ECPAS: variants seen among roughly 807,000 people sequenced by gnomAD.
The protein encoded by ECPAS is proteasome adapter and scaffold protein ECM29.
A neutral mutation model predicts 255.1 loss-of-function variants in ECPAS; 70 were observed. That is an observed-to-expected ratio of 0.27 (90% CI 0.23 to 0.33). ECPAS has a LOEUF of 0.33. Among genes scored for constraint, ECPAS ranks in the 10% least tolerant of loss-of-function variants. The pLI is 1.00. For synonymous variants in ECPAS, 784 were observed against 775.0 expected, an observed-to-expected ratio of 1.01 and a Z score of -0.19; for missense variants, 1,817 against 2,206.4, an observed-to-expected ratio of 0.82 and a Z score of 3.54.
In ECPAS at chr9:111,447,067, G is replaced by A. The variant is rs192207395; in HGVS notation, c.154-2573C>T. ...AGGGACTCTATAGAAAATTATTATCGATGGAGACAGAGAATCTTGCCCACA... is the reference window on the plus strand; with the variant it reads ...AGGGACTCTATAGAAAATTATTATCAATGGAGACAGAGAATCTTGCCCACA... On this transcript the variant is annotated intron_variant, in intron 3 of 49. Transcript: ENST00000684092. 1.4e-3 allele frequency among the ~76,000 whole-genome samples: 212 copies of A among 152,060 alleles called. 1 individual carries two copies. The highest frequency in any genetic ancestry group is 3.4e-3 in the Middle Eastern group (1 of 294).
chr9:111,483,939 T>A, intron 1 of ECPAS, 177 bp downstream of exon 1: 1 of 902,272 alleles, frequency 1.1e-6, no homozygotes, highest in Non-Finnish European at 1.3e-6. Flanking sequence ...GCCGGGCCCC[T>A]CGCGCGCCCG....
At chr9:111,378,396 A>C (rs1376452048) in intron 36 of ECPAS, among the ~76,000 whole-genome samples, 184 bp downstream of exon 36, 1 of 152,236 alleles carries the variant, frequency 6.6e-6, no homozygotes, top group Non-Finnish European at 1.5e-5. Context: ...GTCAGTTTTC[A>C]TCCAATTCAC....
intron 1 of ECPAS, among the ~76,000 whole-genome samples, chr9:111,480,271 G>C (rs1219008161): frequency 2.1e-5 from 3 of 144,336 alleles, no homozygotes; most frequent in South Asian, 2.3e-4. Flanking sequence ...TTTTTTAGTG[G>C]AATTCTTAAA....
At position 111,412,072 on chromosome 9, in the gene ECPAS, G is replaced by A. The variant is rs774621647; in HGVS notation, c.2156C>T (p.Ser719Leu). 16 of 1,592,598 alleles carry A rather than the reference G, an allele frequency of 1.0e-5. No individual in the cohort carries two copies. Among genetic ancestry groups the A allele is most frequent in the South Asian group, 2.3e-5 (2 of 86,056 alleles). The stretch of plus-strand genomic sequence containing the variant: ...TATCATTGATTTCAACTCATTCCCC[G>A]ACACTGTTGATACCACTACAGAATA... ...LFYSVVVSTVSGNELKSMIEQ... is the reference protein window; with the variant it reads ...LFYSVVVSTVLGNELKSMIEQ... Residue 719 changes from serine to leucine, a missense_variant, in exon 21 of 50, where the codon TCG (serine) becomes TTG (leucine). Physicochemically the swap from Ser to Leu is moderately radical, Grantham distance 145 (BLOSUM62 -2). Coordinates refer to ENST00000684092, the MANE Select transcript of ECPAS (RefSeq NM_001364929.1).
chr9:111,438,340 C>T (rs935203020), intron 6 of ECPAS, among the ~76,000 whole-genome samples: 2 of 152,144 alleles, frequency 1.3e-5, no homozygotes, highest in Non-Finnish European at 1.5e-5. Flanking sequence ...ATAAAACACC[C>T]TAAGGCTGGG....
chr9:111,366,001 G>C, intron 48 of ECPAS: 1 of 504,566 alleles, frequency 2.0e-6, no homozygotes. Context: ...TTACTTTCAA[G>C]TAACAATTTT....
chr9:111,459,289 C>A (rs1011355858), intron 2 of ECPAS, among the ~76,000 whole-genome samples: 1 of 151,300 alleles, frequency 6.6e-6, no homozygotes, highest in South Asian at 2.1e-4. Context: ...GAAATGAGGT[C>A]TATGTTGCCC....
intron 12 of ECPAS, among the ~76,000 whole-genome samples, chr9:111,424,862 A>C (rs767795640): frequency 9.8e-5 from 15 of 152,286 alleles, no homozygotes; most frequent in Non-Finnish European, 1.9e-4. Context: ...GTGCTGGCTG[A>C]AAAAATGCTA....
chr9:111,365,569 G>A (rs574741176), intron 48 of ECPAS: 1 of 152,272 alleles, frequency 6.6e-6, no homozygotes, highest in African/African-American at 2.4e-5. Context: ...GGGAGACTGA[G>A]GCAGGAGGAC....
intron 31 of ECPAS, among the ~76,000 whole-genome samples, 176 bp downstream of exon 31, chr9:111,389,380 A>G (rs2098155674): frequency 6.6e-6 from 1 of 152,262 alleles, no homozygotes; most frequent in South Asian, 2.1e-4. Flanking sequence ...AAATGTTGCC[A>G]TACACATCTT....
chr9:111,469,681 C>A (rs374665196), intron 2 of ECPAS, among the ~76,000 whole-genome samples: 1 of 151,720 alleles, frequency 6.6e-6, no homozygotes, highest in South Asian at 2.1e-4. Flanking sequence ...TGGTGGCGGG[C>A]GCCTGTAGTC....
chr9:111,433,137 G>T (rs2098232584), intron 8 of ECPAS, 96 bp downstream of exon 8: 3 of 1,219,718 alleles, frequency 2.5e-6, no homozygotes, highest in Admixed American at 4.0e-5. Context: ...TAAGTTGAAT[G>T]CCTCATTACA....
At chr9:111,441,283 C>T (rs1489884822) in intron 5 of ECPAS, among the ~76,000 whole-genome samples, 1 of 152,088 alleles carries the variant, frequency 6.6e-6, no homozygotes, top group East Asian at 1.9e-4. Context: ...GTGGGCAGAT[C>T]ATCTGAGGTC....
chr9:111,370,324 TCTG>T (rs1278529401), intron 45 of ECPAS, 108 bp downstream of exon 45: 61 of 693,766 alleles, frequency 8.8e-5, no homozygotes, highest in Non-Finnish European at 1.4e-4. Flanking sequence ...TTGGAATTTC[TCTG>T]CTACTTGCAG....
intron 25 of ECPAS, 26 bp from the exon 26 acceptor site, chr9:111,394,331 A>G (rs531775656): frequency 1.6e-5 from 24 of 1,498,082 alleles, no homozygotes; most frequent in Middle Eastern, 4.5e-4. Flanking sequence ...GAAAAATAAC[A>G]AAGAATTAAA....
At chr9:111,407,534 G>A (rs1564523535) in intron 24 of ECPAS, among the ~76,000 whole-genome samples, 1 of 147,282 alleles carries the variant, frequency 6.8e-6, no homozygotes, top group Non-Finnish European at 1.5e-5. Context: ...CAATGTTAAT[G>A]ACATCCCAGG....
In ECPAS at chr9:111,451,466, A is replaced by G; in HGVS notation, c.112T>C (p.Leu38=). The part of the protein sequence containing the change: ...NIISKFLPPV[L]LKLSSTQEGV... Reference sequence around the variant, plus strand: ...TCTTGGGTGCTAGAGAGTTTGAGCAAAACAGGAGGAAGGAATTTAGATATA... The same window carrying G: ...TCTTGGGTGCTAGAGAGTTTGAGCAGAACAGGAGGAAGGAATTTAGATATA... The change falls in exon 3 of 50, where the codon TTG becomes CTG. Residue 38 remains leucine, a synonymous_variant. Coordinates refer to ENST00000684092, the MANE Select transcript of ECPAS (RefSeq NM_001364929.1). 6.4e-7 allele frequency: 1 copy of G among 1,573,198 alleles called. No individual in the cohort carries two copies. Among genetic ancestry groups the G allele is most frequent in the Non-Finnish European group, 8.6e-7 (1 of 1,158,216 alleles).
chr9:111,411,746 G>A, intron 21 of ECPAS: 1 of 316,062 alleles, frequency 3.2e-6, no homozygotes, highest in Non-Finnish European at 5.7e-6. Context: ...TGCAGGCTCT[G>A]AGCATCCTGT....
chr9:111,397,168 G>A lies in ECPAS; in HGVS notation c.2653-15C>T, dbSNP rs1374629189. On this transcript the variant is annotated splice_polypyrimidine_tract_variant and intron_variant, in intron 24 of 49. Transcript: ENST00000684092. ...ATCTGCTTGGCCTGCAACGAAGGAA[G>A]TAAAAACCATGAATGAGAAAACACA... 1 of 1,612,482 alleles carries A rather than the reference G, an allele frequency of 6.2e-7. No individual in the cohort carries two copies. Among genetic ancestry groups the A allele is most frequent in the Non-Finnish European group, 8.5e-7 (1 of 1,179,230 alleles).
Sources: gnomAD v4.1 joint callset for allele counts (sites outside exome capture counted in the v4.1 genomes callset) on GRCh38, gnomAD v4.1.1 for gene constraint, MANE v1.5 for transcripts, NCBI Gene and HGNC (gene_info 2026-07-23, HGNC 2026-07-21) for gene names.